CERS6: variants seen among roughly 807,000 people sequenced by gnomAD.
CERS6 encodes the protein LAG1 homolog, ceramide synthase 6.
In CERS6, 26 loss-of-function variants were observed where a neutral mutation model predicts 56.8. The observed-to-expected ratio is 0.46, with a 90% CI of 0.34 to 0.63. CERS6 has a LOEUF of 0.63. CERS6 is among the 30% of genes least tolerant of loss of function. The pLI is 0.01. For synonymous variants in CERS6, 164 were observed against 173.3 expected (o/e 0.95, Z 0.42); for missense variants, 415 against 467.5 (o/e 0.89, Z 1.04).
chr2:168,462,709 A>G (rs12616351), intron 1 of CERS6, among the ~76,000 whole-genome samples: 49,691 of 151,800 alleles, frequency 0.33, 9,907 homozygotes, highest in East Asian at 0.63. Flanking sequence ...GCTAATTTTT[A>G]ATTTTTTTTT....
chr2:168,617,070 C>T (rs566392599), intron 3 of CERS6, among the ~76,000 whole-genome samples: 1 of 152,072 alleles, frequency 6.6e-6, no homozygotes, highest in African/African-American at 2.4e-5. Flanking sequence ...GAAATCAACT[C>T]CAAAAGGAAC....
chr2:168,536,461 TCA>T (rs752241425), intron 1 of CERS6, among the ~76,000 whole-genome samples: 1 of 151,866 alleles, frequency 6.6e-6, no homozygotes, highest in African/African-American at 2.4e-5. Flanking sequence ...GCTGCTTTTG[TCA>T]CACACACAGT....
intron 3 of CERS6, among the ~76,000 whole-genome samples, chr2:168,566,800 C>A (rs1156894578): frequency 8.7e-4 from 126 of 144,190 alleles, no homozygotes; most frequent in Middle Eastern, 3.5e-3. Flanking sequence ...CACCTACTTG[C>A]AAAAAAAAAA....
chr2:168,564,189 C>T (rs558122279), intron 3 of CERS6, among the ~76,000 whole-genome samples: 1 of 152,294 alleles, frequency 6.6e-6, no homozygotes, highest in African/African-American at 2.4e-5. Flanking sequence ...CTTCCAAAGC[C>T]ATGTGTACAG....
At chr2:168,727,778 TC>T (rs1364043109) in intron 8 of CERS6, among the ~76,000 whole-genome samples, 1 of 152,226 alleles carries the variant, frequency 6.6e-6, no homozygotes, top group East Asian at 1.9e-4. Context: ...TTTCATGCAA[TC>T]CCTTGACAAA....
intron 8 of CERS6, among the ~76,000 whole-genome samples, chr2:168,743,008 C>A (rs1559076313): frequency 6.6e-6 from 1 of 152,014 alleles, no homozygotes; most frequent in Non-Finnish European, 1.5e-5. Context: ...ATTGCCTTTC[C>A]ACATGGACTG....
intron 8 of CERS6, among the ~76,000 whole-genome samples, chr2:168,733,236 T>C (rs537428271): frequency 6.6e-6 from 1 of 152,326 alleles, no homozygotes; most frequent in East Asian, 1.9e-4. Context: ...GAAACTGTAT[T>C]TTGCTGGCAC....
chr2:168,542,615 A>G (rs1202847346), intron 1 of CERS6, among the ~76,000 whole-genome samples: 1 of 152,122 alleles, frequency 6.6e-6, no homozygotes, highest in Non-Finnish European at 1.5e-5. Context: ...ACAATGACAT[A>G]TGTTTATTTT....
At chr2:168,505,384 AAAAAAAAAAAAAAAAAAG>A (rs1326523997) in intron 1 of CERS6, among the ~76,000 whole-genome samples, 10 of 130,806 alleles carry the variant, frequency 7.6e-5, no homozygotes, top group African/African-American at 3.3e-4. Context: ...CCTGTTTCCA[AAAAAAAAAAAAAAAAAAG>A]AAAAAAAAAG....
intron 4 of CERS6, among the ~76,000 whole-genome samples, chr2:168,640,577 C>G (rs1684964961): frequency 6.6e-6 from 1 of 152,180 alleles, no homozygotes; most frequent in Non-Finnish European, 1.5e-5. Flanking sequence ...TCATCAGTAA[C>G]ATGGGAGCCT....
intron 1 of CERS6, among the ~76,000 whole-genome samples, chr2:168,513,954 A>G (rs1300963358): frequency 6.6e-6 from 1 of 152,020 alleles, no homozygotes; most frequent in African/African-American, 2.4e-5. Context: ...GCTGCTCCCT[A>G]GGAAGTGTTA....
At chr2:168,464,775 C>A (rs79331373) in intron 1 of CERS6, among the ~76,000 whole-genome samples, 4,503 of 151,136 alleles carry the variant, frequency 0.03, 86 homozygotes, top group Non-Finnish European at 0.047. Context: ...GTCAAAAAAA[C>A]CAAACAAACA....
chr2:168,581,357 A>C (rs1239712221), intron 3 of CERS6, among the ~76,000 whole-genome samples: 2 of 152,034 alleles, frequency 1.3e-5, no homozygotes, highest in Non-Finnish European at 2.9e-5. Context: ...ATTCTCAGTC[A>C]TTACTTCTTT....
chr2:168,583,720 A>T (rs1389174553), intron 3 of CERS6, among the ~76,000 whole-genome samples: 1 of 152,220 alleles, frequency 6.6e-6, no homozygotes, highest in Admixed American at 6.5e-5. Context: ...TTGAAAGGCT[A>T]CAGGGTCCAT....
chr2:168,635,065 G>A (rs567255749), intron 4 of CERS6, among the ~76,000 whole-genome samples: 3 of 152,146 alleles, frequency 2.0e-5, no homozygotes, highest in Non-Finnish European at 2.9e-5. Flanking sequence ...AATTTACCTC[G>A]AGTGTAAGCT....
chr2:168,733,096 G>A (rs1177981017), intron 8 of CERS6, among the ~76,000 whole-genome samples: 4 of 152,116 alleles, frequency 2.6e-5, no homozygotes, highest in African/African-American at 9.7e-5. Flanking sequence ...ATTGTCACTT[G>A]CTTCCTGCTG....
intron 1 of CERS6, among the ~76,000 whole-genome samples, chr2:168,501,188 G>C (rs1363177720): frequency 6.6e-6 from 1 of 152,208 alleles, no homozygotes; most frequent in African/African-American, 2.4e-5. Context: ...TGGTTAACTT[G>C]AGTTTGGTGT....
At chr2:168,625,778 C>T (rs555658167) in intron 3 of CERS6, among the ~76,000 whole-genome samples, 2 of 152,234 alleles carry the variant, frequency 1.3e-5, no homozygotes, top group Admixed American at 1.3e-4. Context: ...CAGAGAAAAA[C>T]CCTCTGGGTA....
intron 3 of CERS6, among the ~76,000 whole-genome samples, chr2:168,599,133 G>C (rs1683873120): frequency 6.6e-6 from 1 of 152,198 alleles, no homozygotes; most frequent in Non-Finnish European, 1.5e-5. Flanking sequence ...TTAAGGAAAT[G>C]TTGCTTTGAA....
Sources: allele counts gnomAD v4.1 joint callset (sites outside exome capture counted in the v4.1 genomes callset), GRCh38; gene constraint gnomAD v4.1.1; transcripts MANE v1.5; gene names NCBI Gene and HGNC (gene_info 2026-07-23, HGNC 2026-07-21).